Variants in SLC30A6 observed in about 807,000 individuals in gnomAD.
SLC30A6 encodes the protein zinc transporter 6.
In SLC30A6, 55 loss-of-function variants were observed where a neutral mutation model predicts 63.0. The observed-to-expected ratio is 0.87, with a 90% CI of 0.70 to 1.09. SLC30A6 has a LOEUF of 1.09. SLC30A6 is among the 50% of genes least tolerant of loss of function. SLC30A6 has a pLI of 0.00. For missense variants in SLC30A6, 587 were observed against 549.2 expected (o/e 1.07, Z -0.69); for synonymous variants, 224 against 186.1 (o/e 1.20, Z -1.66).
chr2:32,166,874 A>G (rs541340053), intron 1 of SLC30A6, among the ~76,000 whole-genome samples: 3 of 152,324 alleles, frequency 2.0e-5, no homozygotes, highest in Admixed American at 6.5e-5. Flanking sequence ...CTAATGATCA[A>G]ATAGCCTTCA....
rs1433423594 is a variant in SLC30A6, at chr2:32,223,559, G to A, written c.*2846G>A. 6.6e-6 allele frequency: 1 copy of A among 152,168 alleles called. No homozygotes were observed. The highest frequency in any genetic ancestry group is 1.5e-5 in the Non-Finnish European group (1 of 68,028). 9.4% of individuals were successfully genotyped at this position (152,168 alleles called of 1,614,324 possible). ...AAATCTGTAGAATGTATGCCCAATT[G>A]CTAAACGGATGTTGTGCCCAGAATT... On this transcript the variant is annotated 3_prime_UTR_variant, in exon 14 of 14. Coordinates refer to ENST00000282587, the MANE Select transcript of SLC30A6 (RefSeq NM_017964.5).
intron 10 of SLC30A6, among the ~76,000 whole-genome samples, chr2:32,201,390 A>T (rs76311571): frequency 0.013 from 2,002 of 152,294 alleles, 35 homozygotes; most frequent in Non-Finnish European, 0.022. Flanking sequence ...TTCCTGGGGA[A>T]TTTGAAGTCT....
chr2:32,177,873 C>A (rs1159343473), intron 4 of SLC30A6, among the ~76,000 whole-genome samples: 1 of 151,740 alleles, frequency 6.6e-6, no homozygotes, highest in Non-Finnish European at 1.5e-5. Context: ...AAGTCATCTG[C>A]CTGCCTCCGC....
rs540222052 is a variant in SLC30A6 at position 32,209,536 on chromosome 2, T to G, written c.860T>G (p.Phe287Cys). ...GTTTTAGAAGTCCGAAATGAACATTTTTGGACCCTAGGTTTTGGCTCATTG... is the reference window on the plus strand; with the variant it reads ...GTTTTAGAAGTCCGAAATGAACATTGTTGGACCCTAGGTTTTGGCTCATTG... Reference protein sequence around the residue: ...DGVLEVRNEHFWTLGFGSLAG... With the variant: ...DGVLEVRNEHCWTLGFGSLAG... The change falls in exon 13 of 14, where the codon TTT (phenylalanine) becomes TGT (cysteine). Residue 287 changes from phenylalanine (F) to cysteine (C), a missense_variant. Physicochemically the swap from Phe to Cys is radical, Grantham distance 205 (BLOSUM62 -2). Coordinates refer to ENST00000282587, the MANE Select transcript of SLC30A6 (RefSeq NM_017964.5). The G allele has an allele frequency of 3.1e-6, 5 of 1,613,120 alleles. No homozygotes were observed. The East Asian group carries it at 8.9e-5, about 29-fold the overall frequency.
Position 32,184,333 on chromosome 2 carries a change from A to G in SLC30A6, c.279A>G (p.Ser93=). 6.7e-7 allele frequency: 1 copy of G among 1,493,722 alleles called. No homozygotes were observed. Among genetic ancestry groups the G allele is most frequent in the Non-Finnish European group, 9.0e-7 (1 of 1,110,064 alleles). 92.5% of individuals were successfully genotyped at this position (1,493,722 alleles called of 1,614,324 possible). A position where few individuals can be genotyped will look rare whatever the true frequency, so the allele number is the denominator to read the frequency against. ...VTLRKPSPVY[S]FGFERLEVLA... is the part of the protein sequence containing the mutation. ...TGAGGAAACCTAGCCCTGTCTATTC[A>G]TTTGGGTAAGTTCAAATTATTTTAT... Residue 93 remains serine, a synonymous_variant, in exon 5 of 14, where the codon TCA becomes TCG. Transcript: ENST00000282587.
intron 7 of SLC30A6, 50 bp from the exon 8 acceptor site, chr2:32,193,839 G>A: frequency 6.9e-7 from 1 of 1,456,614 alleles, no homozygotes; most frequent in South Asian, 1.2e-5. Context: ...ATTACATACT[G>A]ATAATACCAA....
rs1404529207 is a variant in SLC30A6, at chr2:32,187,952, T to C, written c.284+3614T>C. 2.0e-5 allele frequency among the ~76,000 whole-genome samples: 3 copies of C among 152,348 alleles called. No individual in the cohort carries two copies. In the East Asian group the frequency reaches 5.8e-4, roughly 29 times the overall value. On this transcript the variant is annotated intron_variant, in intron 5 of 13. Transcript: ENST00000282587. ...TACTTTCATTTACAGCCAGTGTTTT[T>C]CTTTTTAAACCTGTATCATATTATC...
intron 13 of SLC30A6, among the ~76,000 whole-genome samples, chr2:32,219,646 G>C (rs962470402): frequency 2.6e-5 from 4 of 151,896 alleles, no homozygotes; most frequent in Non-Finnish European, 4.4e-5. Context: ...ATGTTGGCCA[G>C]GCTGGTCTCG....
chr2:32,183,398 C>T (rs913023126), intron 4 of SLC30A6, among the ~76,000 whole-genome samples: 120 of 151,782 alleles, frequency 7.9e-4, no homozygotes, highest in African/African-American at 2.8e-3. Flanking sequence ...GATGGCTTTT[C>T]GGCCAGGCGC....
chr2:32,168,973 T>A (rs2148791140), intron 1 of SLC30A6, among the ~76,000 whole-genome samples: 1 of 152,330 alleles, frequency 6.6e-6, no homozygotes, highest in East Asian at 1.9e-4. Context: ...TTTCTGCCTC[T>A]TAGAAACCTT....
intron 8 of SLC30A6, among the ~76,000 whole-genome samples, chr2:32,194,932 G>T (rs546948760): frequency 6.6e-6 from 1 of 152,182 alleles, no homozygotes; most frequent in Non-Finnish European, 1.5e-5. Flanking sequence ...CTGTTTCCCT[G>T]TAAAGATCAG....
chr2:32,207,999 A>C (rs375788320), intron 12 of SLC30A6, among the ~76,000 whole-genome samples: 16 of 149,378 alleles, frequency 1.1e-4, no homozygotes, highest in African/African-American at 3.2e-4. Context: ...GGCCCGGCCT[A>C]ACTTTTGTAT....
At chr2:32,179,436 C>G (rs947296089) in intron 4 of SLC30A6, among the ~76,000 whole-genome samples, 1 of 152,134 alleles carries the variant, frequency 6.6e-6, no homozygotes, top group Non-Finnish European at 1.5e-5. Context: ...ATAGAATTCT[C>G]AAACTTGACC....
chr2:32,181,949 T>C (rs1330704927), intron 4 of SLC30A6, among the ~76,000 whole-genome samples: 1 of 150,382 alleles, frequency 6.6e-6, no homozygotes, highest in African/African-American at 2.4e-5. Context: ...TTTTTTTTTT[T>C]TTTGAGACAG....
chr2:32,166,888 A>C (rs574924997), intron 1 of SLC30A6, among the ~76,000 whole-genome samples: 1 of 152,310 alleles, frequency 6.6e-6, no homozygotes, highest in South Asian at 2.1e-4. Flanking sequence ...GCCTTCAGTT[A>C]CGCTCTTCTT....
chr2:32,203,267 T>A (rs770303794), intron 10 of SLC30A6: 1 of 965,862 alleles, frequency 1.0e-6, no homozygotes, highest in Non-Finnish European at 1.7e-6. Context: ...GATTTGTATA[T>A]GTTTTTATCA....
At chr2:32,213,420 A>G (rs1685427216) in intron 13 of SLC30A6, among the ~76,000 whole-genome samples, 1 of 151,836 alleles carries the variant, frequency 6.6e-6, no homozygotes, top group African/African-American at 2.4e-5. Context: ...GTAATGTGCA[A>G]AACTCCTCCC....
At chr2:32,208,642 G>A (rs1214353358) in intron 12 of SLC30A6, among the ~76,000 whole-genome samples, 1 of 149,474 alleles carries the variant, frequency 6.7e-6, no homozygotes, top group African/African-American at 2.5e-5. Context: ...ACCCAGTCTG[G>A]AGTGCAGTGC....
At chr2:32,171,485 T>C (rs1681206808) in intron 2 of SLC30A6, 112 bp downstream of exon 2, 1 of 731,402 alleles carries the variant, frequency 1.4e-6, no homozygotes, top group Non-Finnish European at 2.2e-6. Context: ...CCACACTGTT[T>C]TCATTTTTCT....
Sources: allele counts gnomAD v4.1 joint callset (sites outside exome capture counted in the v4.1 genomes callset), GRCh38; gene constraint gnomAD v4.1.1; transcripts MANE v1.5; gene names NCBI Gene and HGNC (gene_info 2026-07-23, HGNC 2026-07-21).